ZNF208: variants seen among roughly 807,000 people sequenced by gnomAD.
ZNF208 encodes the protein zinc finger protein 208.
Under a neutral mutation model 12.1 loss-of-function variants are expected in ZNF208, and 10 were observed. That is an observed-to-expected ratio of 0.83 (90% CI 0.51 to 1.40). The LOEUF (loss-of-function observed/expected upper bound fraction) is 1.40, where lower values mean the gene tolerates loss of function less well. ZNF208 is among the 40% of genes most tolerant of loss of function. The pLI, the probability that ZNF208 is intolerant of heterozygous loss-of-function variation, is 0.00. For missense variants in ZNF208, 1,652 were observed against 1,485.0 expected, an observed-to-expected ratio of 1.11 and a Z score of -1.85; for synonymous variants, 497 against 488.4, an observed-to-expected ratio of 1.02 and a Z score of -0.23.
At position 21,969,386 on chromosome 19, in the gene ZNF208, C is replaced by T. The variant is rs191476349; in HGVS notation, c.*1805G>A. Among the ~76,000 whole-genome samples, 1 of 152,020 alleles carries T rather than the reference C, an allele frequency of 6.6e-6. No homozygotes were observed. Among genetic ancestry groups the T allele is most frequent in the Non-Finnish European group, 1.5e-5 (1 of 67,998 alleles). On this transcript the variant is annotated 3_prime_UTR_variant, in exon 4 of 4. Transcript: ENST00000397126. ...TATATACAAATAATTCTTCTTTTTG[C>T]CAACTTTAGTTTTGGATTTTTTCCT... is the stretch of plus-strand genomic sequence containing the variant.
chr19:21,981,706 G>A (rs1970542193), intron 3 of ZNF208, among the ~76,000 whole-genome samples: 1 of 152,124 alleles, frequency 6.6e-6, no homozygotes, highest in Non-Finnish European at 1.5e-5. Context: ...AAGTTCTGGT[G>A]AGGGCAATCA....
chr19:21,948,787 G>A (rs1186541061), intron 4 of ZNF208, among the ~76,000 whole-genome samples: 2 of 101,786 alleles, frequency 2.0e-5, no homozygotes, highest in Non-Finnish European at 4.4e-5. Flanking sequence ...CTTACAGGCA[G>A]CAAAAAAACT....
intron 4 of ZNF208, among the ~76,000 whole-genome samples, chr19:21,951,321 T>A (rs1024805071): frequency 6.6e-6 from 1 of 152,108 alleles, no homozygotes; most frequent in African/African-American, 2.4e-5. Context: ...AAAGTTACCA[T>A]TATAACATGT....
rs1048598060 is a variant in ZNF208 at position 21,971,107 on chromosome 19, G to A, written c.*84C>T. The A allele has an allele frequency of 9.3e-6, 15 of 1,612,878 alleles. No homozygotes were observed. Among genetic ancestry groups the A allele is most frequent in the Middle Eastern group, 3.3e-4 (2 of 6,072 alleles). ...AAGCCTCACCACATTCTTCACATTT[G>A]TAGGGTTTCTCTCCAGTATGAATTT... On this transcript the variant is annotated 3_prime_UTR_variant, in exon 4 of 4. Coordinates refer to ENST00000397126, the MANE Select transcript of ZNF208 (RefSeq NM_007153.3).
rs748013086 is a variant in ZNF208 at position 21,974,524 on chromosome 19, C to A, written c.510G>T (p.Lys170Asn). The stretch of plus-strand genomic sequence containing the variant: ...CGTATTCTTTACATTGCAAATGTTT[C>A]TTTCCAGTATGCCTTATCTTATGTC... Reference protein sequence around the residue: ...SNRHKIRHTGKKHLQCKEYVR... With the variant: ...SNRHKIRHTGNKHLQCKEYVR... Residue 170 changes from lysine (K) to asparagine (N), a missense_variant, in exon 4 of 4, where the codon AAG (lysine) becomes AAT (asparagine). Lys to Asn is a moderately conservative substitution (Grantham distance 94, BLOSUM62 0). Coordinates refer to ENST00000397126, the MANE Select transcript of ZNF208 (RefSeq NM_007153.3). 1.9e-6 allele frequency: 3 copies of A among 1,613,662 alleles called. No homozygotes were observed. The South Asian group carries it at 3.3e-5, about 18-fold the overall frequency.
intron 4 of ZNF208, chr19:21,941,195 C>CA: frequency 2.5e-6 from 1 of 396,364 alleles, no homozygotes; most frequent in Non-Finnish European, 4.4e-6. Flanking sequence ...TGAAGCTGCC[C>CA]AAACTCCTCA....
chr19:21,960,936 A>G (rs1016703184), intron 4 of ZNF208, among the ~76,000 whole-genome samples: 12 of 152,168 alleles, frequency 7.9e-5, no homozygotes, highest in African/African-American at 2.9e-4. Flanking sequence ...ATGAGAATGA[A>G]GACCTTTATG....
At chr19:21,962,662 A>G (rs1970093501), downstream of ZNF208, among the ~76,000 whole-genome samples, 1 of 152,106 alleles carries the variant, frequency 6.6e-6, no homozygotes, top group Non-Finnish European at 1.5e-5. Flanking sequence ...AGTCATTGTG[A>G]GTAGAGCTGA....
At chr19:21,992,422 T>C (rs2145572218) in intron 1 of ZNF208, among the ~76,000 whole-genome samples, 1 of 152,364 alleles carries the variant, frequency 6.6e-6, no homozygotes, top group East Asian at 1.9e-4. Context: ...TAGTAGTGAT[T>C]TTAAATAGTC....
chr19:21,996,423 T>C (rs1299122351), intron 1 of ZNF208, among the ~76,000 whole-genome samples: 1 of 152,222 alleles, frequency 6.6e-6, no homozygotes, highest in Non-Finnish European at 1.5e-5. Context: ...GTTTAATTTA[T>C]AGCTACTTGT....
intron 1 of ZNF208, among the ~76,000 whole-genome samples, chr19:21,990,463 G>T: frequency 6.6e-6 from 1 of 150,962 alleles, no homozygotes; most frequent in African/African-American, 2.4e-5. Flanking sequence ...TCTCTGTTTT[G>T]GTACCAGTAC....
At chr19:21,983,442 G>GCA (rs1970581014) in intron 3 of ZNF208, among the ~76,000 whole-genome samples, 2 of 152,120 alleles carry the variant, frequency 1.3e-5, no homozygotes, top group African/African-American at 4.8e-5. Context: ...AAGACAATGT[G>GCA]GCGATTCCTC....
downstream of ZNF208, among the ~76,000 whole-genome samples, chr19:21,962,165 T>C (rs1387908514): frequency 3.9e-5 from 6 of 152,144 alleles, no homozygotes; most frequent in Admixed American, 2.6e-4. Flanking sequence ...CTTCACAATT[T>C]ATGTTCCTCT....
chr19:22,004,449 G>C (rs182171406), intron 1 of ZNF208, among the ~76,000 whole-genome samples: 1 of 152,158 alleles, frequency 6.6e-6, no homozygotes, highest in Admixed American at 6.5e-5. Context: ...GGAGGTAGAG[G>C]TTGCAATGCG....
downstream of ZNF208, among the ~76,000 whole-genome samples, chr19:21,962,229 T>C (rs1970083906): frequency 6.6e-6 from 1 of 152,126 alleles, no homozygotes; most frequent in South Asian, 2.1e-4. Context: ...CCACAACAAA[T>C]TGTCTCATTA....
At chr19:21,994,083 C>T (rs773421293) in intron 1 of ZNF208, among the ~76,000 whole-genome samples, 34 of 152,056 alleles carry the variant, frequency 2.2e-4, no homozygotes, top group Non-Finnish European at 3.7e-4. Flanking sequence ...TTGATTTTTT[C>T]AAAAAATGTA....
chr19:21,955,927 T>G (rs565328379), intron 4 of ZNF208, among the ~76,000 whole-genome samples: 1 of 152,342 alleles, frequency 6.6e-6, no homozygotes, highest in African/African-American at 2.4e-5. Context: ...TTTTTAGAAT[T>G]TTCAGCTTTT....
chr19:21,972,736 A>G lies in ZNF208; in HGVS notation c.2298T>C (p.Tyr766=), dbSNP rs574501955. The change falls in exon 4 of 4, where the codon TAT becomes TAC. Residue 766 remains tyrosine, a synonymous_variant. Transcript: ENST00000397126. ...KAYKWSSTLS[Y]HKKIHTVEKP... Reference sequence around the variant, plus strand: ...TCTCTACAGTATGAATTTTCTTATGATAACTAAGGGTTGAGGACCACTTAT... The same window carrying G: ...TCTCTACAGTATGAATTTTCTTATGGTAACTAAGGGTTGAGGACCACTTAT... The G allele has an allele frequency of 3.8e-6, 6 of 1,568,478 alleles. No homozygotes were observed. The South Asian group carries it at 6.8e-5, about 18-fold the overall frequency.
In ZNF208 at chr19:21,972,497, G is replaced by C; in HGVS notation, c.2537C>G (p.Ser846Ter). The C allele has an allele frequency of 6.2e-7, 1 of 1,613,012 alleles. No individual in the cohort carries two copies. Among genetic ancestry groups the C allele is most frequent in the Non-Finnish European group, 8.5e-7 (1 of 1,179,842 alleles). ...AATTACCTTATGTTTAGTAAGGATT[G>C]AGAACTTACTAAAGGCTTTGCCACA... ...KECGKAFSKF[S>*]ILTKHKVIHT... Residue 846 changes from serine (S) to a stop codon, truncating the protein, a stop_gained, in exon 4 of 4, where the codon TCA becomes TGA. Transcript: ENST00000397126. LOFTEE classifies it low-confidence loss of function (END_TRUNC).
Sources: gnomAD v4.1 joint callset for allele counts (sites outside exome capture counted in the v4.1 genomes callset) on GRCh38, gnomAD v4.1.1 for gene constraint, MANE v1.5 for transcripts, NCBI Gene and HGNC (gene_info 2026-07-23, HGNC 2026-07-21) for gene names.